CD302: variants seen among roughly 807,000 people sequenced by gnomAD.
CD302 encodes CD302 antigen.
A neutral mutation model predicts 26.5 loss-of-function variants in CD302; 23 were observed. The ratio of observed to expected loss-of-function variants is 0.87; its 90% CI spans 0.62 to 1.23. CD302 has a LOEUF of 1.23. Ranked by LOEUF, CD302 falls within the 50% of genes most tolerant of loss-of-function variation. The pLI is 0.00. For synonymous variants in CD302, 90 were observed against 99.4 expected (o/e 0.91, Z 0.56); for missense variants, 290 against 275.5 (o/e 1.05, Z -0.37).
chr2:159,787,107 A>C (rs1708687197), intron 1 of CD302, among the ~76,000 whole-genome samples: 1 of 152,176 alleles, frequency 6.6e-6, no homozygotes, highest in African/African-American at 2.4e-5. Flanking sequence ...GGCCATTGTA[A>C]TGCTGCTTTA....
intron 1 of CD302, among the ~76,000 whole-genome samples, chr2:159,790,500 C>T (rs972996058): frequency 1.3e-5 from 2 of 152,176 alleles, no homozygotes; most frequent in African/African-American, 4.8e-5. Context: ...TTCCCTCCTT[C>T]CCCTCTCTGC....
intron 1 of CD302, among the ~76,000 whole-genome samples, chr2:159,797,651 A>G (rs73967919): frequency 0.063 from 9,636 of 152,236 alleles, 981 homozygotes; most frequent in African/African-American, 0.22. Context: ...CCAACTAGAC[A>G]AACAGCGCTG....
At position 159,777,950 on chromosome 2, in the gene CD302, T is replaced by C; in HGVS notation, c.484A>G (p.Lys162Glu). The C allele has an allele frequency of 9.9e-7, 1 of 1,007,604 alleles. No homozygotes were observed. The highest frequency in any genetic ancestry group is 1.4e-6 in the Non-Finnish European group (1 of 704,518). 62.4% of individuals were successfully genotyped at this position (1,007,604 alleles called of 1,614,324 possible). A position where few individuals can be genotyped will look rare whatever the true frequency, so the allele number is the denominator to read the frequency against. The change falls in exon 5 of 6, where the codon AAA becomes GAA. Residue 162 changes from lysine to glutamate, a missense_variant. Transcript: ENST00000259053. ...LCKTAIPYKR[K>E]YLSDNHILIS... ...AATCATTACTTACCTGATAAATATT[T>C]CCTTTTGTATGGGACTAAAATACAA...
chr2:159,793,558 T>C (rs1329586124), intron 1 of CD302, among the ~76,000 whole-genome samples: 1 of 152,168 alleles, frequency 6.6e-6, no homozygotes, highest in African/African-American at 2.4e-5. Context: ...AGACCTTTGC[T>C]CCTCTCCCAT....
intron 1 of CD302, among the ~76,000 whole-genome samples, chr2:159,791,920 G>C (rs574921484): frequency 1.1e-4 from 17 of 152,314 alleles, no homozygotes; most frequent in African/African-American, 4.1e-4. Flanking sequence ...GCAAAAGGAA[G>C]ACAAATACAT....
chr2:159,773,622 GACCT>G (rs1445380848), intron 5 of CD302, among the ~76,000 whole-genome samples: 10 of 152,200 alleles, frequency 6.6e-5, no homozygotes, highest in South Asian at 4.1e-4. Flanking sequence ...TTCTGCAAGT[GACCT>G]TTAGCCAAAG....
At chr2:159,782,286 G>A (rs184632357) in intron 2 of CD302, among the ~76,000 whole-genome samples, 10 of 151,570 alleles carry the variant, frequency 6.6e-5, no homozygotes, top group Admixed American at 2.0e-4. Flanking sequence ...ATTGGTGGGC[G>A]CTGGTAATCC....
chr2:159,787,482 T>A, intron 1 of CD302, among the ~76,000 whole-genome samples: 1 of 151,938 alleles, frequency 6.6e-6, no homozygotes, highest in East Asian at 1.9e-4. Context: ...TATTCTTTAA[T>A]TTTTTTTCTG....
intron 5 of CD302, among the ~76,000 whole-genome samples, chr2:159,774,084 A>AGATT (rs977788643): frequency 7.6e-6 from 1 of 131,194 alleles, no homozygotes; most frequent in Non-Finnish European, 1.8e-5. Context: ...TGGGGCAACT[A>AGATT]GATTGTTAGC....
At chr2:159,782,690 A>C (rs1708554725) in intron 2 of CD302, among the ~76,000 whole-genome samples, 2 of 151,454 alleles carry the variant, frequency 1.3e-5, no homozygotes, top group South Asian at 2.1e-4. Context: ...ATGCCACTGC[A>C]CTCAAGCCTG....
At chr2:159,784,797 G>A (rs1708621718) in intron 1 of CD302, among the ~76,000 whole-genome samples, 1 of 152,016 alleles carries the variant, frequency 6.6e-6, no homozygotes, top group Non-Finnish European at 1.5e-5. Flanking sequence ...AGAGAGCATT[G>A]GTTGTCCCCA....
At chr2:159,775,969 G>A (rs563483772) in intron 5 of CD302, among the ~76,000 whole-genome samples, 39 of 145,538 alleles carry the variant, frequency 2.7e-4, no homozygotes, top group African/African-American at 9.3e-4. Flanking sequence ...GGAGTGCAGT[G>A]GAGTGATCCC....
chr2:159,777,716 A>G (rs1384486710), intron 5 of CD302, among the ~76,000 whole-genome samples: 1 of 152,204 alleles, frequency 6.6e-6, no homozygotes, highest in Non-Finnish European at 1.5e-5. Flanking sequence ...GATGAATCTA[A>G]AAAAATATTC....
At chr2:159,776,995 G>A (rs143882485) in intron 5 of CD302, among the ~76,000 whole-genome samples, 2,196 of 151,854 alleles carry the variant, frequency 0.014, 39 homozygotes, top group African/African-American at 0.05. Context: ...GCGGCCCAAC[G>A]CCTGTAATCT....
At chr2:159,779,438 A>C (rs555182254) in intron 4 of CD302, among the ~76,000 whole-genome samples, 2 of 152,118 alleles carry the variant, frequency 1.3e-5, no homozygotes, top group African/African-American at 4.8e-5. Context: ...AATCACATGC[A>C]AAGAGATTAT....
chr2:159,780,217 T>A (rs902258486), intron 3 of CD302, 39 bp from the exon 4 acceptor site: 1 of 1,602,388 alleles, frequency 6.2e-7, no homozygotes, highest in Non-Finnish European at 8.5e-7. Flanking sequence ...ATGACAGTTT[T>A]AAAAGGAGTT....
In CD302 at chr2:159,798,115, A is replaced by G; in HGVS notation, c.67+17T>C. ...CGGTCGCGCACGGTCCCGGCGAGGG[A>G]CTACGTAAGGGCTTACCCGCGACGG... On this transcript the variant is annotated intron_variant, in intron 1 of 5. Coordinates refer to ENST00000259053, the MANE Select transcript of CD302 (RefSeq NM_014880.5). 2 of 1,495,438 alleles carry G rather than the reference A, an allele frequency of 1.3e-6. No homozygotes were observed. Among genetic ancestry groups the G allele is most frequent in the African/African-American group, 2.9e-5 (2 of 68,698 alleles). The allele number at this position is 1,495,438 out of a possible 1,614,324, so 92.6% of individuals were successfully genotyped here.
chr2:159,787,361 ATTTG>A (rs1343059359), intron 1 of CD302, among the ~76,000 whole-genome samples: 4 of 151,892 alleles, frequency 2.6e-5, no homozygotes, highest in Non-Finnish European at 4.4e-5. Context: ...CCATCTTAAT[ATTTG>A]TTTTTCATTT....
Position 159,780,966 on chromosome 2 carries a change from C to T in CD302, c.211G>A (p.Glu71Lys), listed in dbSNP as rs1404084902. The T allele has an allele frequency of 6.2e-7, 1 of 1,613,054 alleles. No homozygotes were observed. The highest frequency in any genetic ancestry group is 2.2e-5 in the East Asian group (1 of 44,846). The change falls in exon 3 of 6, where the codon GAA (glutamate) becomes AAA (lysine). Residue 71 changes from glutamate to lysine, a missense_variant. Transcript: ENST00000259053. Reference protein sequence around the residue: ...ADMISIHNEEENAFILDTLKK... With the variant: ...ADMISIHNEEKNAFILDTLKK... ...AAAGTATCCAGTATAAAAGCATTTT[C>T]TTCTTCATTATGTATGCTTATCATG...
Sources: gnomAD v4.1 joint callset for allele counts (sites outside exome capture counted in the v4.1 genomes callset) on GRCh38, gnomAD v4.1.1 for gene constraint, MANE v1.5 for transcripts, NCBI Gene and HGNC (gene_info 2026-07-23, HGNC 2026-07-21) for gene names.